The following PELI2 variants were observed in gnomAD, a reference collection of about 807,000 sequenced individuals.
The protein encoded by PELI2 is E3 ubiquitin-protein ligase pellino homolog 2.
Under a neutral mutation model 42.3 loss-of-function variants are expected in PELI2, and 23 were observed. The ratio of observed to expected loss-of-function variants is 0.54; its 90% CI spans 0.39 to 0.77. PELI2 has a LOEUF of 0.77. PELI2 is among the 30% of genes least tolerant of loss of function. The probability of loss-of-function intolerance (pLI) is 0.00; values close to 1 mark genes in which losing one functional copy is unlikely to be tolerated. For missense variants in PELI2, 463 were observed against 553.2 expected (o/e 0.84, Z 1.64); for synonymous variants, 245 against 212.2 (o/e 1.15, Z -1.34).
intron 1 of PELI2, among the ~76,000 whole-genome samples, chr14:56,147,258 T>G (rs934424223): frequency 6.6e-6 from 1 of 152,258 alleles, no homozygotes; most frequent in African/African-American, 2.4e-5. Flanking sequence ...GATGCTGTTA[T>G]GAACATTTGC....
intron 2 of PELI2, among the ~76,000 whole-genome samples, chr14:56,236,676 T>A (rs959746967): frequency 1.3e-5 from 2 of 152,174 alleles, no homozygotes; most frequent in African/African-American, 4.8e-5. Context: ...AAGGGCAGGT[T>A]CCTCCAGAGA....
chr14:56,127,538 G>A (rs1156370157), intron 1 of PELI2, among the ~76,000 whole-genome samples: 1 of 152,178 alleles, frequency 6.6e-6, no homozygotes, highest in African/African-American at 2.4e-5. Context: ...TTCTGTGTTG[G>A]TGAGAAGCAA....
intron 2 of PELI2, among the ~76,000 whole-genome samples, chr14:56,187,786 T>C (rs1156627452): frequency 1.3e-5 from 2 of 152,118 alleles, no homozygotes; most frequent in African/African-American, 4.8e-5. Context: ...TTTGGTTTTG[T>C]TTTATTGAAG....
chr14:56,237,249 G>A (rs527497416), intron 2 of PELI2, among the ~76,000 whole-genome samples: 2 of 152,208 alleles, frequency 1.3e-5, no homozygotes, highest in African/African-American at 2.4e-5. Flanking sequence ...TTAGACAAAC[G>A]CCCAGAAATG....
At chr14:56,178,547 C>CG in intron 2 of PELI2, 83 bp downstream of exon 2, 1 of 1,476,100 alleles carries the variant, frequency 6.8e-7, no homozygotes, top group Non-Finnish European at 9.4e-7. Flanking sequence ...TCTTTCCTTT[C>CG]GTCTTTTCAT....
At chr14:56,129,547 G>A (rs1883403019) in intron 1 of PELI2, among the ~76,000 whole-genome samples, 1 of 152,216 alleles carries the variant, frequency 6.6e-6, no homozygotes, top group Non-Finnish European at 1.5e-5. Flanking sequence ...TTCCCTGGAG[G>A]CCCAAGGGAT....
intron 2 of PELI2, among the ~76,000 whole-genome samples, chr14:56,187,285 A>G (rs1206483450): frequency 6.6e-6 from 1 of 152,226 alleles, no homozygotes; most frequent in African/African-American, 2.4e-5. Context: ...AAATAAGTGA[A>G]TATGATATTT....
chr14:56,165,249 A>G (rs1178097000), intron 1 of PELI2, among the ~76,000 whole-genome samples: 1 of 151,980 alleles, frequency 6.6e-6, no homozygotes, highest in Non-Finnish European at 1.5e-5. Flanking sequence ...GTTTCAAGAT[A>G]TTTTTCAGTT....
intron 1 of PELI2, among the ~76,000 whole-genome samples, chr14:56,133,367 A>G (rs990650854): frequency 3.9e-5 from 6 of 152,186 alleles, no homozygotes; most frequent in Non-Finnish European, 7.4e-5. Flanking sequence ...TGTGATTTCT[A>G]AGGTCTCTGT....
At chr14:56,201,274 A>G (rs993631854) in intron 2 of PELI2, among the ~76,000 whole-genome samples, 10 of 152,224 alleles carry the variant, frequency 6.6e-5, no homozygotes, top group Admixed American at 1.3e-4. Context: ...AGTGTTACTT[A>G]GGAGAAATGC....
intron 2 of PELI2, among the ~76,000 whole-genome samples, chr14:56,230,441 G>A (rs553239298): frequency 1.3e-5 from 2 of 152,302 alleles, no homozygotes; most frequent in South Asian, 2.1e-4. Context: ...GTGGGGGCCA[G>A]TATTCAACAT....
intron 1 of PELI2, among the ~76,000 whole-genome samples, chr14:56,129,326 C>T (rs1374443985): frequency 1.3e-5 from 2 of 152,244 alleles, no homozygotes; most frequent in South Asian, 4.1e-4. Context: ...AACAGTTGCT[C>T]ACAATGGGCG....
intron 2 of PELI2, among the ~76,000 whole-genome samples, chr14:56,223,328 AG>A (rs1421466825): frequency 6.6e-6 from 1 of 152,184 alleles, no homozygotes; most frequent in African/African-American, 2.4e-5. Flanking sequence ...CTCTGGGAGA[AG>A]GACTTAGAGA....
rs79112378 is a variant in PELI2, at chr14:56,293,665, G to A, written c.697-2935G>A. Among the ~76,000 whole-genome samples the A allele has an allele frequency of 4.6e-5, 7 of 152,294 alleles. No homozygotes were observed. In the East Asian group the frequency reaches 1.4e-3, roughly 29 times the overall value. ...CCCTCTAATTGCATGGTCTGGAGGAGGTCACAGACTAGGCAGCAGATCAGC... is the reference window on the plus strand; with the variant it reads ...CCCTCTAATTGCATGGTCTGGAGGAAGTCACAGACTAGGCAGCAGATCAGC... On this transcript the variant is annotated intron_variant, in intron 5 of 5. Coordinates refer to ENST00000267460, the MANE Select transcript of PELI2 (RefSeq NM_021255.3).
chr14:56,285,871 G>A lies in PELI2; in HGVS notation c.310-2566G>A, dbSNP rs942127982. Among the ~76,000 whole-genome samples the A allele has an allele frequency of 3.3e-5, 5 of 152,108 alleles. No homozygotes were observed. In the East Asian group the frequency reaches 9.7e-4, roughly 29 times the overall value. ...TGAAGGAAAGCGTTTTTAAAGGTGG[G>A]AGACTACGCCAGAGCAGGGCTACTC... On this transcript the variant is annotated intron_variant, in intron 3 of 5. Transcript: ENST00000267460.
intron 1 of PELI2, among the ~76,000 whole-genome samples, chr14:56,139,400 T>C (rs1458428916): frequency 6.6e-6 from 1 of 152,182 alleles, no homozygotes; most frequent in East Asian, 1.9e-4. Flanking sequence ...ATATTTGCTA[T>C]GAGATTGCTT....
At position 56,180,721 on chromosome 14, in the gene PELI2, C is replaced by T. The variant is rs535976065; in HGVS notation, c.207+2257C>T. On this transcript the variant is annotated intron_variant, in intron 2 of 5. Coordinates refer to ENST00000267460, the MANE Select transcript of PELI2 (RefSeq NM_021255.3). This position sits in a 1 kb window ranked among gnomAD's most constrained non-coding sequence, Gnocchi z 4.4. ...GCTCTGTTGGCACCTTCTACCTTGGCGCCCCCCATCTACCTCTTCCGCCCC... is the reference window on the plus strand; with the variant it reads ...GCTCTGTTGGCACCTTCTACCTTGGTGCCCCCCATCTACCTCTTCCGCCCC... 2.7e-5 allele frequency among the ~76,000 whole-genome samples: 4 copies of T among 147,600 alleles called. No individual in the cohort carries two copies. Among genetic ancestry groups the T allele is most frequent in the South Asian group, 2.1e-4 (1 of 4,676 alleles).
intron 2 of PELI2, among the ~76,000 whole-genome samples, chr14:56,267,831 C>T (rs965477805): frequency 3.3e-5 from 5 of 152,132 alleles, no homozygotes; most frequent in African/African-American, 1.2e-4. Flanking sequence ...ATCACTATAA[C>T]TAATCAATAG....
intron 2 of PELI2, among the ~76,000 whole-genome samples, chr14:56,196,357 A>T (rs1488114197): frequency 2.6e-5 from 4 of 152,208 alleles, no homozygotes; most frequent in Non-Finnish European, 4.4e-5. Context: ...TTACTAAGCA[A>T]TTTGAGCCAC....
Sources: gnomAD v4.1 joint callset for allele counts (sites outside exome capture counted in the v4.1 genomes callset) on GRCh38, gnomAD v4.1.1 for gene constraint, Gnocchi (gnomAD v3.1) non-coding constraint, MANE v1.5 for transcripts, NCBI Gene and HGNC (gene_info 2026-07-23, HGNC 2026-07-21) for gene names.